CACNA1E: variants seen among roughly 807,000 people sequenced by gnomAD.
The protein encoded by CACNA1E is calcium voltage-gated channel subunit alpha1 E, also known as voltage-dependent R-type calcium channel subunit alpha-1E.
CACNA1E carries 40 observed loss-of-function variants against 259.2 expected under a neutral mutation model. The ratio of observed to expected loss-of-function variants is 0.15; its 90% confidence interval spans 0.12 to 0.20. CACNA1E has a LOEUF of 0.20. Among genes scored for constraint, CACNA1E ranks in the 10% least tolerant of loss-of-function variants. The pLI, the probability that CACNA1E is intolerant of heterozygous loss-of-function variation, is 1.00. For synonymous variants in CACNA1E, 1,104 were observed against 1,138.5 expected (o/e 0.97, Z 0.61); for missense variants, 1,874 against 3,040.1 (o/e 0.62, Z 9.02).
At chr1:181,477,726 T>C (rs1015334919) in intron 2 of CACNA1E, among the ~76,000 whole-genome samples, 2 of 152,238 alleles carry the variant, frequency 1.3e-5, no homozygotes, top group Non-Finnish European at 2.9e-5. Flanking sequence ...ACAGAGTCTG[T>C]AGACATGCAG....
rs560469774 is a variant in CACNA1E, at chr1:181,732,853, C to G, written c.2767C>G (p.His923Asp). The G allele has an allele frequency of 6.2e-7, 1 of 1,613,768 alleles. No homozygotes were observed. Among genetic ancestry groups the G allele is most frequent in the Non-Finnish European group, 8.5e-7 (1 of 1,179,746 alleles). The stretch of plus-strand genomic sequence containing the variant: ...CAGGCAGAGCCAACGGCGCAGCCGG[C>G]ATCGCCGCGTCAGGACAGAAGGCAA... ...RHRQSQRRSR[H>D]RRVRTEGKES... Residue 923 changes from histidine (H) to aspartate (D), a missense_variant, in exon 20 of 48, where the codon CAT (histidine) becomes GAT (aspartate). Around this residue, in one of 14 missense-constraint regions of CACNA1E, gnomAD observed 476 missense variants for 514.0 expected, o/e 0.93. Coordinates refer to ENST00000367573, the MANE Select transcript of CACNA1E (RefSeq NM_001205293.3). This position sits in a 1 kb window ranked among gnomAD's most constrained non-coding sequence, Gnocchi z 5.5.
intron 2 of CACNA1E, among the ~76,000 whole-genome samples, chr1:181,453,223 G>T (rs1028776279): frequency 3.3e-5 from 5 of 152,166 alleles, no homozygotes; most frequent in Non-Finnish European, 7.3e-5. Context: ...AAGACAAAGG[G>T]CCCAGGGGCA....
chr1:181,771,978 C>G, intron 36 of CACNA1E, 88 bp from the exon 37 acceptor site: 2 of 1,250,158 alleles, frequency 1.6e-6, no homozygotes, highest in South Asian at 2.7e-5. Context: ...CAGACAAGAG[C>G]GAGGATGGGG....
At chr1:181,547,143 C>T (rs1572168421) in intron 3 of CACNA1E, among the ~76,000 whole-genome samples, 1 of 152,196 alleles carries the variant, frequency 6.6e-6, no homozygotes, top group East Asian at 1.9e-4. Flanking sequence ...CTCCCTCTTT[C>T]CCATTGCCCC....
chr1:181,468,536 T>C (rs970381662), intron 2 of CACNA1E, among the ~76,000 whole-genome samples: 3 of 152,192 alleles, frequency 2.0e-5, no homozygotes, highest in Non-Finnish European at 4.4e-5. Context: ...CAGAGTCCAC[T>C]AGACATAAGG....
chr1:181,779,800 A>G (rs894519715), intron 38 of CACNA1E, among the ~76,000 whole-genome samples: 2 of 138,742 alleles, frequency 1.4e-5, no homozygotes, highest in Admixed American at 7.8e-5. Context: ...ACACTCATGT[A>G]TGTGTGTATA....
intron 6 of CACNA1E, among the ~76,000 whole-genome samples, chr1:181,626,208 T>C (rs528633839): frequency 6.6e-6 from 1 of 152,198 alleles, no homozygotes; most frequent in African/African-American, 2.4e-5. Context: ...TATCAAAATG[T>C]GACACAGAAA....
intron 2 of CACNA1E, among the ~76,000 whole-genome samples, chr1:181,440,427 C>T (rs56201717): frequency 0.39 from 59,787 of 151,846 alleles, 12,040 homozygotes; most frequent in African/African-American, 0.44. Context: ...GGCAGGGTGG[C>T]CCAGGGGAGG....
intron 35 of CACNA1E, among the ~76,000 whole-genome samples, chr1:181,769,365 AG>A: frequency 6.8e-6 from 1 of 148,136 alleles, no homozygotes; most frequent in East Asian, 2.0e-4. Flanking sequence ...AAAAAAAAAA[AG>A]TACAAAAAAT....
intron 20 of CACNA1E, 71 bp from the exon 21 acceptor site, chr1:181,733,366 C>CTT: frequency 7.4e-7 from 1 of 1,354,686 alleles, no homozygotes; most frequent in Non-Finnish European, 1.0e-6. Context: ...CCGCCTTCCC[C>CTT]TTGTGCCAGG....
chr1:181,637,677 G>A (rs1449479726), intron 6 of CACNA1E, among the ~76,000 whole-genome samples: 1 of 152,130 alleles, frequency 6.6e-6, no homozygotes, highest in Non-Finnish European at 1.5e-5. Flanking sequence ...TTGTTCTTGA[G>A]GGTGTCAAAT....
intron 1 of CACNA1E, among the ~76,000 whole-genome samples, chr1:181,319,823 T>C (rs781453564): frequency 6.6e-6 from 1 of 152,226 alleles, no homozygotes; most frequent in African/African-American, 2.4e-5. Flanking sequence ...ATTTGGATCT[T>C]GCATCGTTTT....
Position 181,483,992 on chromosome 1 carries a change from A to C in CACNA1E, c.248A>C (p.Lys83Thr). 1 of 1,613,834 alleles carries C rather than the reference A, an allele frequency of 6.2e-7. No homozygotes were observed. Among genetic ancestry groups the C allele is most frequent in the East Asian group, 2.2e-5 (1 of 44,826 alleles). The change falls in exon 1 of 48, where the codon AAG becomes ACG. Residue 83 changes from lysine to threonine, a missense_variant. Coordinates refer to ENST00000367573, the MANE Select transcript of CACNA1E (RefSeq NM_001205293.3). ...GEDNIVRKYA[K>T]KLIDWPPFEY... ...GATAACATTGTCAGGAAATATGCCA[A>C]GAAGCTCATCGATTGGCCATATCCT...
intron 1 of CACNA1E, among the ~76,000 whole-genome samples, chr1:181,376,236 A>G (rs1241328998): frequency 6.6e-6 from 1 of 152,200 alleles, no homozygotes; most frequent in African/African-American, 2.4e-5. Flanking sequence ...ACCTTCCACA[A>G]ATCATACCAT....
At chr1:181,529,928 G>A (rs547399932) in intron 3 of CACNA1E, among the ~76,000 whole-genome samples, 7 of 152,166 alleles carry the variant, frequency 4.6e-5, no homozygotes, top group Non-Finnish European at 7.3e-5. Flanking sequence ...TAAGACTTTG[G>A]GGGACTGTTG....
chr1:181,625,267 C>T (rs1656090708), intron 6 of CACNA1E, among the ~76,000 whole-genome samples: 1 of 152,192 alleles, frequency 6.6e-6, no homozygotes, highest in East Asian at 1.9e-4. Flanking sequence ...CATTAACCTC[C>T]TAACAAGAGA....
chr1:181,362,787 G>A (rs138817274), intron 1 of CACNA1E, among the ~76,000 whole-genome samples: 98 of 152,284 alleles, frequency 6.4e-4, no homozygotes, highest in African/African-American at 2.2e-3. Context: ...CGGGGGAACC[G>A]GAGCAAATGT....
chr1:181,739,424 C>G (rs986052444), intron 25 of CACNA1E, among the ~76,000 whole-genome samples, 171 bp downstream of exon 25: 3 of 152,284 alleles, frequency 2.0e-5, no homozygotes, highest in African/African-American at 4.8e-5. Flanking sequence ...CCTTGCAGCT[C>G]CAGCTCACGT....
At chr1:181,362,095 G>C (rs1219023018) in intron 1 of CACNA1E, among the ~76,000 whole-genome samples, 1 of 152,140 alleles carries the variant, frequency 6.6e-6, no homozygotes, top group East Asian at 1.9e-4. Context: ...GAAGCATCTG[G>C]CATCCAGTAG....
Sources: allele counts gnomAD v4.1 joint callset (sites outside exome capture counted in the v4.1 genomes callset), GRCh38; gene constraint gnomAD v4.1.1; regional missense constraint gnomAD v4.1.1; non-coding constraint Gnocchi (gnomAD v3.1); transcripts MANE v1.5; gene names NCBI Gene and HGNC (gene_info 2026-07-23, HGNC 2026-07-21).